SLCO3A1: variants seen among roughly 807,000 people sequenced by gnomAD.
SLCO3A1 encodes the protein solute carrier organic anion transporter family member 3A1, also known as PGE1 transporter.
Under a neutral mutation model 63.1 loss-of-function variants are expected in SLCO3A1, and 27 were observed. The ratio of observed to expected loss-of-function variants is 0.43; its 90% CI spans 0.32 to 0.59. SLCO3A1 has a LOEUF of 0.59. Among genes scored for constraint, SLCO3A1 ranks in the 20% least tolerant of loss-of-function variants. SLCO3A1 has a pLI of 0.09. For missense variants in SLCO3A1, 773 were observed against 945.8 expected (o/e 0.82, Z 2.40); for synonymous variants, 473 against 409.9 (o/e 1.15, Z -1.86).
Position 92,164,346 on chromosome 15 carries a change from T to C in SLCO3A1, c.*1211T>C. The C allele has an allele frequency of 2.0e-6, 2 of 985,360 alleles. No individual in the cohort carries two copies. Among genetic ancestry groups the C allele is most frequent in the African/African-American group, 3.5e-5 (2 of 57,368 alleles). The allele number at this position is 985,360 out of a possible 1,614,324, so 61.0% of individuals were successfully genotyped here. A position where few individuals can be genotyped will look rare whatever the true frequency, so the allele number is the denominator to read the frequency against. On this transcript the variant is annotated 3_prime_UTR_variant, in exon 10 of 10. Coordinates refer to ENST00000318445, the MANE Select transcript of SLCO3A1 (RefSeq NM_013272.4). ...AAATGCTTCAAAAAGAGAGTGTATA[T>C]GCAGCCTGCCTTTAAAAGAATCACA...
At chr15:92,134,918 C>T (rs554495389) in intron 7 of SLCO3A1, among the ~76,000 whole-genome samples, 14 of 151,702 alleles carry the variant, frequency 9.2e-5, no homozygotes, top group East Asian at 7.8e-4. Context: ...GCATGTTCTC[C>T]GCTGGGGGAT....
At chr15:92,135,613 C>G (rs957279569) in intron 7 of SLCO3A1, among the ~76,000 whole-genome samples, 15 of 152,144 alleles carry the variant, frequency 9.9e-5, no homozygotes, top group African/African-American at 3.6e-4. Context: ...TGCTAAGCTA[C>G]AAAAAGACAG....
At chr15:92,041,113 A>G (rs2046791527) in intron 2 of SLCO3A1, among the ~76,000 whole-genome samples, 2 of 152,130 alleles carry the variant, frequency 1.3e-5, no homozygotes, top group Non-Finnish European at 2.9e-5. Flanking sequence ...GTCTACAGGA[A>G]GCCTCCTGTA....
chr15:92,121,508 G>A (rs1442074597), intron 5 of SLCO3A1, among the ~76,000 whole-genome samples: 5 of 152,196 alleles, frequency 3.3e-5, no homozygotes, highest in African/African-American at 1.2e-4. Context: ...ACCTGAAGCT[G>A]TTGAGTGTGA....
intron 7 of SLCO3A1, among the ~76,000 whole-genome samples, chr15:92,130,955 T>A (rs949263521): frequency 2.0e-5 from 3 of 149,168 alleles, no homozygotes; most frequent in Non-Finnish European, 4.4e-5. Context: ...TTCACAGTGA[T>A]CCCCTGGAAT....
At chr15:92,144,033 G>A (rs749381011) in intron 7 of SLCO3A1, among the ~76,000 whole-genome samples, 10 of 152,330 alleles carry the variant, frequency 6.6e-5, no homozygotes, top group Admixed American at 3.3e-4. Context: ...GCGCCAAGTC[G>A]GGAGTGCTGG....
rs529102455 is a variant in SLCO3A1, at chr15:91,882,901, A to G, written c.180+28813A>G. On this transcript the variant is annotated intron_variant, in intron 1 of 9. Transcript: ENST00000318445. This position sits in a 1 kb window ranked among gnomAD's most constrained non-coding sequence, Gnocchi z 4.4. The stretch of plus-strand genomic sequence containing the variant: ...CATCAAGATTTCCTTGCAATTAGGT[A>G]TCACCTTGGTGTCCCAAAGAGATGT... 0.43 allele frequency among the ~76,000 whole-genome samples: 171 copies of G among 396 alleles called. No homozygotes were observed. The highest frequency in any genetic ancestry group is 0.44 in the Non-Finnish European group (120 of 272). 0.3% of individuals were successfully genotyped at this position (396 alleles called of 152,430 possible).
chr15:92,013,956 G>C lies in SLCO3A1; in HGVS notation c.647-80925G>C, dbSNP rs28418873. 2.6e-3 allele frequency among the ~76,000 whole-genome samples: 399 copies of C among 152,222 alleles called. 1 individual carries two copies. The highest frequency in any genetic ancestry group is 9.3e-3 in the African/African-American group (384 of 41,494). On this transcript the variant is annotated intron_variant, in intron 2 of 9. Coordinates refer to ENST00000318445, the MANE Select transcript of SLCO3A1 (RefSeq NM_013272.4). ...GGTTTTTCTATGTAAAAGGCTGAGC[G>C]TACAGTAGGTTTTCACCAAAAATAG...
At chr15:92,105,563 C>T (rs1241567078) in intron 4 of SLCO3A1, among the ~76,000 whole-genome samples, 2 of 152,156 alleles carry the variant, frequency 1.3e-5, no homozygotes, top group South Asian at 2.1e-4. Context: ...CCTTTAAAGA[C>T]GAGGAAAATG....
chr15:91,969,310 ATT>A (rs35619974), intron 2 of SLCO3A1, among the ~76,000 whole-genome samples: 1 of 146,404 alleles, frequency 6.8e-6, no homozygotes, highest in African/African-American at 2.5e-5. Flanking sequence ...TATATATATA[ATT>A]TTTTTTTTTT....
chr15:92,140,938 C>A (rs2048123748), intron 7 of SLCO3A1, among the ~76,000 whole-genome samples: 1 of 152,152 alleles, frequency 6.6e-6, no homozygotes, highest in South Asian at 2.1e-4. Flanking sequence ...TGAGCTCTGA[C>A]CAACCACATT....
At chr15:92,048,840 G>A (rs2046922615) in intron 2 of SLCO3A1, among the ~76,000 whole-genome samples, 1 of 152,232 alleles carries the variant, frequency 6.6e-6, no homozygotes, top group African/African-American at 2.4e-5. Flanking sequence ...GGAGGTTGCA[G>A]TGAGCCGAGA....
intron 2 of SLCO3A1, among the ~76,000 whole-genome samples, chr15:92,002,249 T>C (rs2046264593): frequency 6.6e-6 from 1 of 152,118 alleles, no homozygotes; most frequent in South Asian, 2.1e-4. Flanking sequence ...GTGTTAATTG[T>C]CCCTGATAAG....
At chr15:92,122,737 C>T (rs1157326105) in intron 5 of SLCO3A1, among the ~76,000 whole-genome samples, 2 of 152,116 alleles carry the variant, frequency 1.3e-5, no homozygotes, top group Non-Finnish European at 2.9e-5. Flanking sequence ...GCATAATGGA[C>T]CCAAACTTGA....
chr15:92,125,651 A>G (rs975702616), intron 5 of SLCO3A1, among the ~76,000 whole-genome samples: 1 of 151,960 alleles, frequency 6.6e-6, no homozygotes, highest in Admixed American at 6.6e-5. Flanking sequence ...AATGATCTCA[A>G]GTCCGCTTCC....
intron 1 of SLCO3A1, among the ~76,000 whole-genome samples, chr15:91,861,027 T>TC (rs1354669286): frequency 1.3e-5 from 2 of 152,188 alleles, no homozygotes; most frequent in Non-Finnish European, 2.9e-5. Context: ...CCCAGTCTGG[T>TC]CACACCTGTC....
rs539164066 is a variant in SLCO3A1, at chr15:91,957,162, T to A, written c.646+40704T>A. Among the ~76,000 whole-genome samples, 71 of 61,368 alleles carry A rather than the reference T, an allele frequency of 1.2e-3. 12 individuals carry two copies. The highest frequency in any genetic ancestry group is 6.1e-3 in the Middle Eastern group (1 of 164). 40.3% of individuals were successfully genotyped at this position (61,368 alleles called of 152,430 possible). On this transcript the variant is annotated intron_variant, in intron 2 of 9. Coordinates refer to ENST00000318445, the MANE Select transcript of SLCO3A1 (RefSeq NM_013272.4). The stretch of plus-strand genomic sequence containing the variant: ...ATATATTATAATATATATATATATT[T>A]TTTTTTTTAGTAGAGACGGGGTTTT...
chr15:91,858,512 T>C (rs1480224642), intron 1 of SLCO3A1, among the ~76,000 whole-genome samples: 1 of 152,204 alleles, frequency 6.6e-6, no homozygotes, highest in Non-Finnish European at 1.5e-5. Context: ...TTGGTGTATT[T>C]AACAATAGAA....
At chr15:91,984,919 A>G (rs2046031660) in intron 2 of SLCO3A1, among the ~76,000 whole-genome samples, 1 of 152,028 alleles carries the variant, frequency 6.6e-6, no homozygotes, top group African/African-American at 2.4e-5. Flanking sequence ...TTCAACTCAC[A>G]CTTTTTTTTG....
Sources: gnomAD v4.1 joint callset for allele counts (sites outside exome capture counted in the v4.1 genomes callset) on GRCh38, gnomAD v4.1.1 for gene constraint, Gnocchi (gnomAD v3.1) non-coding constraint, MANE v1.5 for transcripts, NCBI Gene and HGNC (gene_info 2026-07-23, HGNC 2026-07-21) for gene names.